Variants in SMIM17 observed in about 807,000 individuals in gnomAD.
SMIM17 encodes small integral membrane protein 17.
In SMIM17, 10 loss-of-function variants were observed where a neutral mutation model predicts 12.2. That is an observed-to-expected ratio of 0.82 (90% CI 0.50 to 1.39). The LOEUF is 1.39. SMIM17 is among the 40% of genes most tolerant of loss of function. The probability of loss-of-function intolerance (pLI) is 0.00; values close to 1 mark genes in which losing one functional copy is unlikely to be tolerated. For synonymous variants in SMIM17, 50 were observed against 44.1 expected, an observed-to-expected ratio of 1.13 and a Z score of -0.53; for missense variants, 136 against 118.2, an observed-to-expected ratio of 1.15 and a Z score of -0.70.
chr19:56,645,928 A>T, intron 2 of SMIM17, 92 bp downstream of exon 2: 2 of 1,326,908 alleles, frequency 1.5e-6, no homozygotes, highest in South Asian at 3.1e-5. Flanking sequence ...TCCTTCACTC[A>T]TCCATTCAAC....
At chr19:56,648,354 C>A (rs1365376828) in intron 3 of SMIM17, among the ~76,000 whole-genome samples, 7 of 138,916 alleles carry the variant, frequency 5.0e-5, no homozygotes, top group Non-Finnish European at 9.2e-5. Context: ...ACCTTTCATC[C>A]CTTATGCATC....
At chr19:56,645,293 G>A (rs931481921) in intron 1 of SMIM17, among the ~76,000 whole-genome samples, 6 of 151,992 alleles carry the variant, frequency 3.9e-5, no homozygotes, top group Middle Eastern at 3.2e-3. Context: ...ATGTTTGTAT[G>A]TGTGTATATG....
chr19:56,646,562 C>T (rs2045064905), intron 2 of SMIM17, among the ~76,000 whole-genome samples: 1 of 152,134 alleles, frequency 6.6e-6, no homozygotes, highest in Admixed American at 6.5e-5. Context: ...GGTGCAGCTC[C>T]AAATGCCGAT....
At chr19:56,651,406 G>T (rs747963653) in intron 3 of SMIM17, among the ~76,000 whole-genome samples, 5 of 152,112 alleles carry the variant, frequency 3.3e-5, no homozygotes, top group African/African-American at 1.2e-4. Context: ...AGAGGAGTGA[G>T]TGAAGAAGTG....
chr19:56,645,724 G>C lies in SMIM17; in HGVS notation c.57G>C (p.Lys19Asn), dbSNP rs953912321. Reference protein sequence around the residue: ...TRGLLEPERTKTLLPRESRAW... With the variant: ...TRGLLEPERTNTLLPRESRAW... ...GGCTGCTGGAGCCTGAGAGGACCAA[G>C]ACTCTGCTGCCTCGGGAGAGCCGGG... Residue 19 changes from lysine to asparagine, a missense_variant, in exon 2 of 4, where the codon AAG (lysine) becomes AAC (asparagine). Lys to Asn is a moderately conservative substitution (Grantham distance 94, BLOSUM62 0). Transcript: ENST00000598409. 3.9e-6 allele frequency: 6 copies of C among 1,535,654 alleles called. No homozygotes were observed. In the African/African-American group the frequency reaches 8.2e-5, roughly 21 times the overall value.
Position 56,645,230 on chromosome 19 carries a change from AGT to A in SMIM17, c.-100-329_-100-328del, listed in dbSNP as rs1049676571. ...ATGTGTGTGTGTTTGTGTTTGTGTTAGTGTGTGTGTATGTGACTGTGTGTCTG... is the reference window on the plus strand; with the variant it reads ...ATGTGTGTGTGTTTGTGTTTGTGTTAGTGTGTGTATGTGACTGTGTGTCTG... On this transcript the variant is annotated intron_variant, in intron 1 of 3. Coordinates refer to ENST00000598409, the MANE Select transcript of SMIM17 (RefSeq NM_001193628.2). Among the ~76,000 whole-genome samples the A allele has an allele frequency of 2.6e-3, 385 of 150,340 alleles. 1 individual carries two copies. Among genetic ancestry groups the A allele is most frequent in the African/African-American group, 9.0e-3 (369 of 40,888 alleles).
intron 2 of SMIM17, 138 bp from the exon 3 acceptor site, chr19:56,647,419 GT>G: frequency 3.5e-6 from 2 of 576,770 alleles, no homozygotes; most frequent in Admixed American, 3.1e-5. Context: ...GAGAAGGAGG[GT>G]GAGAGAGAGA....
chr19:56,650,238 C>T (rs1197814546), intron 3 of SMIM17, among the ~76,000 whole-genome samples: 1 of 152,102 alleles, frequency 6.6e-6, no homozygotes, highest in Non-Finnish European at 1.5e-5. Context: ...ACTATCTTGG[C>T]TTACTGCTCA....
intron 3 of SMIM17, among the ~76,000 whole-genome samples, chr19:56,648,034 A>G (rs1296442600): frequency 6.6e-6 from 1 of 150,878 alleles, no homozygotes; most frequent in African/African-American, 2.4e-5. Flanking sequence ...TTATTCACCT[A>G]CTTGCTTGTA....
intron 3 of SMIM17, among the ~76,000 whole-genome samples, chr19:56,649,598 G>A (rs183385684): frequency 4.6e-4 from 70 of 152,258 alleles, no homozygotes; most frequent in Admixed American, 3.4e-3. Context: ...ATTGAGTGAG[G>A]ACCTGAAGGA....
Position 56,645,803 on chromosome 19 carries a change from G to A in SMIM17, c.136G>A (p.Val46Ile). ...ACTKDWEAVE[V>I]GASSHDSDEK... is the part of the protein sequence containing the mutation. ...CACCAAAGACTGGGAGGCTGTGGAG[G>A]TTGGGGCCTCCAGCCATGACAGTGA... The change falls in exon 2 of 4, where the codon GTT (valine) becomes ATT (isoleucine). Residue 46 changes from valine (V) to isoleucine (I), a missense_variant. Val to Ile is a conservative substitution (Grantham distance 29). Transcript: ENST00000598409. The A allele has an allele frequency of 6.5e-7, 1 of 1,535,742 alleles. No individual in the cohort carries two copies. Among genetic ancestry groups the A allele is most frequent in the Non-Finnish European group, 8.7e-7 (1 of 1,146,732 alleles).
chr19:56,652,146 T>G (rs1277764829), intron 3 of SMIM17, among the ~76,000 whole-genome samples: 1 of 150,256 alleles, frequency 6.7e-6, no homozygotes, highest in Non-Finnish European at 1.5e-5. Context: ...TATATATCCT[T>G]GTATATATCC....
At position 56,649,185 on chromosome 19, in the gene SMIM17, GA is replaced by G. The variant is rs771435821; in HGVS notation, c.246+1553del. On this transcript the variant is annotated intron_variant, in intron 3 of 3. Transcript: ENST00000598409. ...GTAAGAATTCCACAGGCATAGCAGG[GA>G]AGGGAACAACATGTGCACAGGCAAG... Among the ~76,000 whole-genome samples the G allele has an allele frequency of 3.2e-4, 48 of 152,216 alleles. 1 individual carries two copies. The highest frequency in any genetic ancestry group is 5.9e-5 in the Non-Finnish European group (4 of 68,044).
intron 3 of SMIM17, among the ~76,000 whole-genome samples, chr19:56,652,295 T>C (rs766901653): frequency 5.3e-5 from 8 of 151,856 alleles, no homozygotes; most frequent in African/African-American, 1.7e-4. Context: ...CAGGCAAATA[T>C]ACTGGTAGAA....
Position 56,645,688 on chromosome 19 carries a change from G to T in SMIM17, c.21G>T (p.Glu7Asp). 6.5e-7 allele frequency: 1 copy of T among 1,533,226 alleles called. No homozygotes were observed. The highest frequency in any genetic ancestry group is 8.7e-7 in the Non-Finnish European group (1 of 1,146,002). The allele number at this position is 1,533,226 out of a possible 1,614,324, so 95.0% of individuals were successfully genotyped here. The change falls in exon 2 of 4, where the codon GAG (glutamate) becomes GAT (aspartate). Residue 7 changes from glutamate (E) to aspartate (D), a missense_variant. Glu to Asp is a conservative substitution (Grantham distance 45). Transcript: ENST00000598409. MQSLRP[E>D]QTRGLLEPER... ...GGGCAATGCAGAGTCTCAGGCCTGAGCAGACACGGGGGCTGCTGGAGCCTG... is the reference window on the plus strand; with the variant it reads ...GGGCAATGCAGAGTCTCAGGCCTGATCAGACACGGGGGCTGCTGGAGCCTG...
At chr19:56,652,101 C>CAA (rs57264842) in intron 3 of SMIM17, among the ~76,000 whole-genome samples, 11 of 66,862 alleles carry the variant, frequency 1.6e-4, no homozygotes, top group Non-Finnish European at 2.9e-4. Context: ...GAGACTCTGC[C>CAA]AAAAAAAAAA....
intron 2 of SMIM17, among the ~76,000 whole-genome samples, chr19:56,646,506 A>G (rs907622109): frequency 6.6e-6 from 1 of 152,034 alleles, no homozygotes; most frequent in Non-Finnish European, 1.5e-5. Flanking sequence ...GATGCTGATA[A>G]ACGTCCTACC....
At chr19:56,649,092 C>A (rs973242156) in intron 3 of SMIM17, among the ~76,000 whole-genome samples, 5 of 152,214 alleles carry the variant, frequency 3.3e-5, no homozygotes, top group African/African-American at 1.2e-4. Context: ...AAGTTAACTG[C>A]ATGCCAGGAG....
At chr19:56,648,047 C>A (rs1282205485) in intron 3 of SMIM17, among the ~76,000 whole-genome samples, 8 of 146,728 alleles carry the variant, frequency 5.5e-5, no homozygotes, top group Admixed American at 2.8e-4. Flanking sequence ...TGCTTGTATA[C>A]CCATTCCATC....
Sources: allele counts gnomAD v4.1 joint callset (sites outside exome capture counted in the v4.1 genomes callset), GRCh38; gene constraint gnomAD v4.1.1; transcripts MANE v1.5; gene names NCBI Gene and HGNC (gene_info 2026-07-23, HGNC 2026-07-21).